The following RBMS3 variants were observed in gnomAD, a reference collection of about 807,000 sequenced individuals.
RBMS3 encodes RNA-binding motif, single-stranded-interacting protein 3.
Under a neutral mutation model 66.8 loss-of-function variants are expected in RBMS3, and 27 were observed. The ratio of observed to expected loss-of-function variants is 0.40; its 90% CI spans 0.30 to 0.56. The LOEUF (loss-of-function observed/expected upper bound fraction) is 0.56. Ranked by LOEUF, RBMS3 falls within the 20% of genes least tolerant of loss-of-function variation. The pLI is 0.40. For synonymous variants in RBMS3, 188 were observed against 183.0 expected, an observed-to-expected ratio of 1.03 and a Z score of -0.22; for missense variants, 513 against 549.5, an observed-to-expected ratio of 0.93 and a Z score of 0.66.
chr3:29,815,064 G>C (rs2057844474), intron 6 of RBMS3, among the ~76,000 whole-genome samples: 1 of 152,248 alleles, frequency 6.6e-6, no homozygotes, highest in East Asian at 1.9e-4. Context: ...GTCTATCCAG[G>C]CACAATTGAT....
intron 4 of RBMS3, among the ~76,000 whole-genome samples, chr3:29,738,230 A>G (rs1182234610): frequency 6.6e-6 from 1 of 152,136 alleles, no homozygotes; most frequent in Non-Finnish European, 1.5e-5. Flanking sequence ...ATATCTAATA[A>G]TATGATATCT....
At chr3:29,477,346 C>T (rs2042981409) in intron 2 of RBMS3, among the ~76,000 whole-genome samples, 1 of 152,112 alleles carries the variant, frequency 6.6e-6, no homozygotes, top group Admixed American at 6.5e-5. Context: ...CTCCCATAGC[C>T]ATCCTAATCA....
chr3:29,659,695 A>G (rs2050460429), intron 4 of RBMS3, among the ~76,000 whole-genome samples: 1 of 152,194 alleles, frequency 6.6e-6, no homozygotes, highest in Admixed American at 6.5e-5. Context: ...ACATGGGCAT[A>G]CAAAATCTCT....
chr3:29,944,573 T>C (rs992311948), intron 12 of RBMS3, among the ~76,000 whole-genome samples: 1 of 151,694 alleles, frequency 6.6e-6, no homozygotes, highest in African/African-American at 2.4e-5. Context: ...AGTCATCAAA[T>C]TCCTGAAAAG....
chr3:29,506,011 T>A lies in RBMS3; in HGVS notation c.307+17512T>A, dbSNP rs912745230. Among the ~76,000 whole-genome samples the A allele has an allele frequency of 2.4e-4, 36 of 151,952 alleles. 1 individual carries two copies. Among genetic ancestry groups the A allele is most frequent in the African/African-American group, 7.5e-4 (31 of 41,412 alleles). On this transcript the variant is annotated intron_variant, in intron 3 of 14. Coordinates refer to ENST00000383767, the MANE Select transcript of RBMS3 (RefSeq NM_001003793.3). ...AGGCTACATTATAGATAAAATCATG[T>A]TACTTACAAACAAGGATAATTTAAC...
At chr3:29,824,706 G>C (rs2058161120) in intron 6 of RBMS3, among the ~76,000 whole-genome samples, 1 of 152,060 alleles carries the variant, frequency 6.6e-6, no homozygotes, top group Non-Finnish European at 1.5e-5. Context: ...GTACAAACTT[G>C]GAAATTAGTT....
chr3:29,585,258 T>C (rs943084857), intron 3 of RBMS3, among the ~76,000 whole-genome samples: 1 of 152,158 alleles, frequency 6.6e-6, no homozygotes, highest in African/African-American at 2.4e-5. Context: ...AACTGCTCCA[T>C]TGACAAATGT....
intron 3 of RBMS3, among the ~76,000 whole-genome samples, chr3:29,548,949 A>C (rs1170568915): frequency 1.3e-5 from 2 of 152,032 alleles, no homozygotes; most frequent in Non-Finnish European, 2.9e-5. Context: ...AATGCAAATT[A>C]TTTTAAATTT....
At chr3:29,513,337 T>C (rs538986345) in intron 3 of RBMS3, among the ~76,000 whole-genome samples, 4 of 152,278 alleles carry the variant, frequency 2.6e-5, no homozygotes, top group East Asian at 3.9e-4. Flanking sequence ...GCCGAAGATA[T>C]CACTAACCAA....
chr3:29,777,259 C>G (rs2056459384), intron 6 of RBMS3, among the ~76,000 whole-genome samples: 1 of 151,834 alleles, frequency 6.6e-6, no homozygotes, highest in South Asian at 2.1e-4. Flanking sequence ...GACATGTAGC[C>G]TCATTTAACA....
At chr3:29,422,396 C>A (rs1266208618) in intron 1 of RBMS3, among the ~76,000 whole-genome samples, 113 of 130,744 alleles carry the variant, frequency 8.6e-4, no homozygotes, top group Admixed American at 8.6e-4. Flanking sequence ...ATCACCAGCC[C>A]AAAAAAAAAA....
chr3:29,764,258 T>G (rs1353942844), intron 6 of RBMS3, among the ~76,000 whole-genome samples: 1 of 152,030 alleles, frequency 6.6e-6, no homozygotes, highest in Non-Finnish European at 1.5e-5. Flanking sequence ...TTAGCTTCCA[T>G]GTGTAACGTT....
intron 2 of RBMS3, among the ~76,000 whole-genome samples, chr3:29,473,487 T>C (rs915699649): frequency 2.0e-5 from 3 of 152,188 alleles, no homozygotes; most frequent in Non-Finnish European, 4.4e-5. Context: ...TGCCTGCCAG[T>C]CCCGCGCCGT....
chr3:29,963,192 C>T (rs1219497718), intron 12 of RBMS3, among the ~76,000 whole-genome samples: 1 of 152,146 alleles, frequency 6.6e-6, no homozygotes, highest in South Asian at 2.1e-4. Context: ...CATATTTAAA[C>T]ATCATTTCCC....
rs893291702 is a variant in RBMS3 at position 29,363,082 on chromosome 3, G to A, written c.76-71661G>A. Reference sequence around the variant, plus strand: ...ATATCTGACAATGGCTTGAGTGTCTGCTTTTTTAGTTTTGTGCTCACCTCA... The same window carrying A: ...ATATCTGACAATGGCTTGAGTGTCTACTTTTTTAGTTTTGTGCTCACCTCA... On this transcript the variant is annotated intron_variant, in intron 1 of 14. Transcript: ENST00000383767. Among the ~76,000 whole-genome samples, 5 of 152,248 alleles carry A rather than the reference G, an allele frequency of 3.3e-5. No individual in the cohort carries two copies. The South Asian group carries it at 1.0e-3, about 32-fold the overall frequency.
chr3:29,576,711 C>T lies in RBMS3; in HGVS notation c.308-10403C>T, dbSNP rs80284913. 6.9e-3 allele frequency among the ~76,000 whole-genome samples: 1,048 copies of T among 152,210 alleles called. 15 individuals carry two copies. Among genetic ancestry groups the T allele is most frequent in the African/African-American group, 0.024 (1,009 of 41,504 alleles). On this transcript the variant is annotated intron_variant, in intron 3 of 14. Coordinates refer to ENST00000383767, the MANE Select transcript of RBMS3 (RefSeq NM_001003793.3). ...TCAGTCCACAATATAAAGTTCTTTC[C>T]ACTCTTCCCCTTTCCACAGGCAGAG...
chr3:29,488,651 A>C (rs3773023), intron 3 of RBMS3, 152 bp downstream of exon 3: 24,794 of 568,218 alleles, frequency 0.044, 1,327 homozygotes, highest in African/African-American at 0.19. Context: ...GATAAGTTGT[A>C]TTTCTAGTAA....
chr3:29,429,545 CAG>C (rs1044763609), intron 1 of RBMS3, among the ~76,000 whole-genome samples: 9 of 152,192 alleles, frequency 5.9e-5, no homozygotes, highest in African/African-American at 2.2e-4. Context: ...CTTCTTCAAT[CAG>C]AGTGTCATCC....
intron 3 of RBMS3, among the ~76,000 whole-genome samples, chr3:29,549,486 G>A (rs1335556861): frequency 6.7e-6 from 1 of 149,336 alleles, no homozygotes; most frequent in Non-Finnish European, 1.5e-5. Flanking sequence ...TCCAACCTCT[G>A]CCTCCTGGGT....
Sources: gnomAD v4.1 joint callset for allele counts (sites outside exome capture counted in the v4.1 genomes callset) on GRCh38, gnomAD v4.1.1 for gene constraint, MANE v1.5 for transcripts, NCBI Gene and HGNC (gene_info 2026-07-23, HGNC 2026-07-21) for gene names.